PHLPP1: variants seen among roughly 807,000 people sequenced by gnomAD.
PHLPP1 encodes PH domain leucine-rich repeat-containing protein phosphatase 1.
In PHLPP1, 42 loss-of-function variants were observed where a neutral mutation model predicts 117.2. The observed-to-expected ratio is 0.36, with a 90% CI of 0.28 to 0.46. The LOEUF is 0.46. Ranked by LOEUF, PHLPP1 falls within the 20% of genes least tolerant of loss-of-function variation. The probability of loss-of-function intolerance (pLI) is 1.00; values close to 1 mark genes in which losing one functional copy is unlikely to be tolerated. For missense variants in PHLPP1, 2,084 were observed against 2,241.9 expected (o/e 0.93, Z 1.42); for synonymous variants, 1,042 against 970.7 (o/e 1.07, Z -1.37).
chr18:62,823,783 A>G (rs1914532208), intron 1 of PHLPP1, among the ~76,000 whole-genome samples: 1 of 152,076 alleles, frequency 6.6e-6, no homozygotes, highest in African/African-American at 2.4e-5. Context: ...CATTAGGGGA[A>G]TGCAACTTAA....
chr18:62,897,769 A>G (rs951889275), intron 6 of PHLPP1, among the ~76,000 whole-genome samples: 13 of 152,114 alleles, frequency 8.5e-5, no homozygotes, highest in Admixed American at 6.6e-5. Context: ...GACCTCTCAA[A>G]GTGCTGGAAT....
intron 1 of PHLPP1, among the ~76,000 whole-genome samples, chr18:62,746,132 C>A (rs192629012): frequency 6.6e-6 from 1 of 152,202 alleles, no homozygotes; most frequent in Non-Finnish European, 1.5e-5. Flanking sequence ...CAACCTCCCC[C>A]TCCCGGGTTC....
intron 3 of PHLPP1, among the ~76,000 whole-genome samples, chr18:62,841,955 T>C (rs1321807477): frequency 6.6e-6 from 1 of 152,152 alleles, no homozygotes; most frequent in Admixed American, 6.6e-5. Context: ...AGGCATGGAT[T>C]CCACCATTTC....
intron 3 of PHLPP1, among the ~76,000 whole-genome samples, chr18:62,841,484 C>T: frequency 6.6e-6 from 1 of 151,352 alleles, no homozygotes. Flanking sequence ...AGGCACATGC[C>T]ACCATACCCG....
chr18:62,728,311 T>A (rs1201293467), intron 1 of PHLPP1, among the ~76,000 whole-genome samples: 2 of 152,124 alleles, frequency 1.3e-5, no homozygotes, highest in East Asian at 3.9e-4. Flanking sequence ...AAAAAATATT[T>A]TTTTTAAAGA....
At chr18:62,780,815 A>G (rs888513491) in intron 1 of PHLPP1, among the ~76,000 whole-genome samples, 4 of 152,194 alleles carry the variant, frequency 2.6e-5, no homozygotes, top group African/African-American at 9.7e-5. Flanking sequence ...CTTACTGTAT[A>G]CTGATGCATC....
At chr18:62,798,507 A>T (rs1954198882) in intron 1 of PHLPP1, among the ~76,000 whole-genome samples, 1 of 152,178 alleles carries the variant, frequency 6.6e-6, no homozygotes, top group African/African-American at 2.4e-5. Flanking sequence ...GAAGTGCCCT[A>T]CTTTTGTTAA....
At chr18:62,898,134 A>T (rs1278613560) in intron 6 of PHLPP1, among the ~76,000 whole-genome samples, 1 of 131,842 alleles carries the variant, frequency 7.6e-6, no homozygotes, top group African/African-American at 2.5e-5. Flanking sequence ...TTCACCTTTC[A>T]TCTTGATGTT....
intron 1 of PHLPP1, among the ~76,000 whole-genome samples, chr18:62,730,643 G>A (rs577148048): frequency 1.3e-5 from 2 of 152,044 alleles, no homozygotes; most frequent in Non-Finnish European, 2.9e-5. Flanking sequence ...CTAACATGGT[G>A]AAACCCTGTC....
intron 1 of PHLPP1, among the ~76,000 whole-genome samples, chr18:62,725,864 A>G (rs940492403): frequency 1.3e-5 from 2 of 152,194 alleles, no homozygotes; most frequent in Non-Finnish European, 2.9e-5. Context: ...TCAATTTTAA[A>G]TGAGTAAAGG....
At chr18:62,943,020 A>G (rs1910173450) in intron 11 of PHLPP1, among the ~76,000 whole-genome samples, 1 of 152,210 alleles carries the variant, frequency 6.6e-6, no homozygotes, top group South Asian at 2.1e-4. Flanking sequence ...GGAAAAAACC[A>G]TGATAATCAC....
At chr18:62,803,387 A>G (rs1322937577) in intron 1 of PHLPP1, among the ~76,000 whole-genome samples, 1 of 151,204 alleles carries the variant, frequency 6.6e-6, no homozygotes, top group Non-Finnish European at 1.5e-5. Context: ...TTACCTACCC[A>G]CTCCAAAATA....
At chr18:62,882,227 G>A (rs1456461066) in intron 4 of PHLPP1, among the ~76,000 whole-genome samples, 1 of 151,794 alleles carries the variant, frequency 6.6e-6, no homozygotes, top group Non-Finnish European at 1.5e-5. Context: ...GGAAAAGGAA[G>A]TTGCTTACTG....
At chr18:62,797,148 A>G (rs1227243149) in intron 1 of PHLPP1, among the ~76,000 whole-genome samples, 1 of 152,234 alleles carries the variant, frequency 6.6e-6, no homozygotes, top group African/African-American at 2.4e-5. Flanking sequence ...ATACCTTCCG[A>G]CCTGTTTGGG....
At chr18:62,831,868 G>A (rs1914767128) in intron 2 of PHLPP1, among the ~76,000 whole-genome samples, 1 of 152,112 alleles carries the variant, frequency 6.6e-6, no homozygotes, top group Admixed American at 6.5e-5. Context: ...AATAGGTTTT[G>A]GTCAGGCTGT....
intron 1 of PHLPP1, among the ~76,000 whole-genome samples, chr18:62,728,864 C>G (rs1911151174): frequency 6.6e-6 from 1 of 152,080 alleles, no homozygotes; most frequent in South Asian, 2.1e-4. Context: ...AATTAGTAGA[C>G]TCTGCCAGTG....
intron 1 of PHLPP1, among the ~76,000 whole-genome samples, chr18:62,754,938 G>A (rs573965637): frequency 6.6e-6 from 1 of 152,132 alleles, no homozygotes; most frequent in East Asian, 1.9e-4. Flanking sequence ...CAAGGCCTGG[G>A]CAGCATAGCA....
chr18:62,900,557 C>T (rs1916697434), intron 6 of PHLPP1, among the ~76,000 whole-genome samples: 1 of 147,226 alleles, frequency 6.8e-6, no homozygotes, highest in African/African-American at 2.5e-5. Flanking sequence ...CCTCAAACTC[C>T]TGGGTTCGAG....
At chr18:62,946,568 G>A (rs1020095124) in intron 12 of PHLPP1, among the ~76,000 whole-genome samples, 6 of 151,884 alleles carry the variant, frequency 4.0e-5, no homozygotes, top group Admixed American at 6.6e-5. Flanking sequence ...ATGCCCGGCC[G>A]GCTTGCATAA....
Sources: gnomAD v4.1 joint callset for allele counts (sites outside exome capture counted in the v4.1 genomes callset) on GRCh38, gnomAD v4.1.1 for gene constraint, MANE v1.5 for transcripts, NCBI Gene and HGNC (gene_info 2026-07-23, HGNC 2026-07-21) for gene names.